Variants in HDGFL3 observed in about 807,000 individuals in gnomAD.
HDGFL3 encodes HDGF like 3, also known as hepatoma-derived growth factor-related protein 3.
A neutral mutation model predicts 27.6 loss-of-function variants in HDGFL3; 6 were observed. The observed-to-expected ratio is 0.22, with a 90% CI of 0.12 to 0.43. HDGFL3 has a LOEUF of 0.43. Among genes scored for constraint, HDGFL3 ranks in the 20% least tolerant of loss-of-function variants. The pLI is 1.00. For missense variants in HDGFL3, 207 were observed against 250.1 expected (o/e 0.83, Z 1.16); for synonymous variants, 88 against 88.9 (o/e 0.99, Z 0.05).
chr15:83,174,477 T>C lies in HDGFL3; in HGVS notation c.85-10402A>G, dbSNP rs544399482. Among the ~76,000 whole-genome samples the C allele has an allele frequency of 4.0e-5, 6 of 151,294 alleles. No individual in the cohort carries two copies. In the South Asian group the frequency reaches 1.2e-3, roughly 32 times the overall value. On this transcript the variant is annotated intron_variant, in intron 1 of 5. Coordinates refer to ENST00000299633, the MANE Select transcript of HDGFL3 (RefSeq NM_016073.4). ...AAAACTTCTGTAAAAACCTTGTATA[T>C]GTTACATTGAGCACCACCCTAAAAA... is the stretch of plus-strand genomic sequence containing the variant.
chr15:83,196,780 G>A (rs1313596616), intron 1 of HDGFL3, among the ~76,000 whole-genome samples: 4 of 152,196 alleles, frequency 2.6e-5, no homozygotes, highest in African/African-American at 9.6e-5. Flanking sequence ...GAGGATTAGA[G>A]AAGGTTAGAG....
chr15:83,199,191 T>C (rs1370422200), intron 1 of HDGFL3, among the ~76,000 whole-genome samples: 1 of 152,212 alleles, frequency 6.6e-6, no homozygotes, highest in Non-Finnish European at 1.5e-5. Flanking sequence ...CAAATAGTGG[T>C]CTAGAGGGAA....
At chr15:83,202,256 C>T (rs950344700) in intron 1 of HDGFL3, among the ~76,000 whole-genome samples, 1 of 152,074 alleles carries the variant, frequency 6.6e-6, no homozygotes, top group African/African-American at 2.4e-5. Context: ...ACAGTAGGTG[C>T]TCAACAAAAG....
intron 1 of HDGFL3, among the ~76,000 whole-genome samples, chr15:83,187,327 C>T (rs952174399): frequency 6.6e-6 from 1 of 151,780 alleles, no homozygotes; most frequent in Admixed American, 6.6e-5. Flanking sequence ...GTTACACGGG[C>T]AGAGTTTTTT....
intron 1 of HDGFL3, among the ~76,000 whole-genome samples, chr15:83,180,194 T>G (rs1361758500): frequency 2.0e-5 from 3 of 151,958 alleles, no homozygotes; most frequent in African/African-American, 7.3e-5. Flanking sequence ...ATGGAGGGAA[T>G]CCATAATCCC....
At chr15:83,143,153 C>T (rs939889886) in intron 5 of HDGFL3, among the ~76,000 whole-genome samples, 6 of 152,012 alleles carry the variant, frequency 3.9e-5, no homozygotes, top group African/African-American at 9.7e-5. Context: ...GCTGGGATTA[C>T]GGGCACATGC....
chr15:83,136,613 CGTT>C lies in HDGFL3; in HGVS notation c.*2654_*2656del, dbSNP rs779487822. On this transcript the variant is annotated 3_prime_UTR_variant, in exon 6 of 6. Transcript: ENST00000299633. ...AGTTCTTCCTCAGCTCTTGGCCTAT[CGTT>C]GTATCTACAAACCAGAGTTCTTCAT... The C allele has an allele frequency of 1.8e-5, 29 of 1,612,146 alleles. No homozygotes were observed. Among genetic ancestry groups the C allele is most frequent in the Non-Finnish European group, 2.3e-5 (27 of 1,179,472 alleles).
At chr15:83,177,367 A>G (rs1017914444) in intron 1 of HDGFL3, among the ~76,000 whole-genome samples, 4 of 152,216 alleles carry the variant, frequency 2.6e-5, no homozygotes, top group African/African-American at 4.8e-5. Context: ...TTATTTTTCA[A>G]ATAAGATTTG....
At chr15:83,115,728 G>A (rs1374168533) in exon 4 of HDGFL3, 1 of 768,848 alleles carries the variant, frequency 1.3e-6, no homozygotes, top group African/African-American at 1.7e-5. Context: ...CTCGATAATT[G>A]TCCACAGCAT....
chr15:83,144,467 C>A (rs529233642), intron 5 of HDGFL3: 2 of 456,088 alleles, frequency 4.4e-6, no homozygotes, highest in East Asian at 1.4e-4. Flanking sequence ...AAAAGACTGA[C>A]TTCTGTTTGC....
Position 83,207,712 on chromosome 15 carries a change from G to A in HDGFL3, c.-298C>T. 1 of 152,242 alleles carries A rather than the reference G, an allele frequency of 6.6e-6. No individual in the cohort carries two copies. Among genetic ancestry groups the A allele is most frequent in the Non-Finnish European group, 1.4e-5 (1 of 70,302 alleles). The allele number at this position is 152,242 out of a possible 1,614,324, so 9.4% of individuals were successfully genotyped here. A position where few individuals can be genotyped will look rare whatever the true frequency, so the allele number is the denominator to read the frequency against. ...CGCCGCCGCCGCCGCCGCCGCGCGC[G>A]CTGCTCACCAGCGCCGCGTCGCCTG... is the stretch of plus-strand genomic sequence containing the variant. On this transcript the variant is annotated 5_prime_UTR_variant, in exon 1 of 6. Transcript: ENST00000299633. This position sits in a 1 kb window ranked among gnomAD's most constrained non-coding sequence, Gnocchi z 4.8.
At chr15:83,187,365 C>T (rs1210916967) in intron 1 of HDGFL3, among the ~76,000 whole-genome samples, 1 of 148,738 alleles carries the variant, frequency 6.7e-6, no homozygotes, top group Non-Finnish European at 1.5e-5. Flanking sequence ...GAGAACTACT[C>T]TCTGTGTGTG....
intron 5 of HDGFL3, among the ~76,000 whole-genome samples, chr15:83,140,930 A>T (rs2036757054): frequency 6.6e-6 from 1 of 152,218 alleles, no homozygotes; most frequent in Non-Finnish European, 1.5e-5. Context: ...GCCTCAGAGT[A>T]GTATTAATAC....
At chr15:83,192,366 T>G (rs1272921321) in intron 1 of HDGFL3, 7 of 448,020 alleles carry the variant, frequency 1.6e-5, no homozygotes, top group Non-Finnish European at 2.7e-5. Context: ...CTGACAGGGT[T>G]GCTAAACAAA....
chr15:83,197,039 A>G (rs2037578308), intron 1 of HDGFL3, among the ~76,000 whole-genome samples: 1 of 152,182 alleles, frequency 6.6e-6, no homozygotes, highest in Non-Finnish European at 1.5e-5. Context: ...TAAGGGACAC[A>G]TTTGTTCTGG....
At chr15:83,152,684 A>G (rs894455523) in intron 4 of HDGFL3, among the ~76,000 whole-genome samples, 80 of 137,992 alleles carry the variant, frequency 5.8e-4, no homozygotes, top group East Asian at 2.5e-3. Context: ...CTCTGTCTCG[A>G]AAAAAAAAAA....
At chr15:83,154,157 A>G (rs1388905232) in intron 4 of HDGFL3, among the ~76,000 whole-genome samples, 1 of 150,948 alleles carries the variant, frequency 6.6e-6, no homozygotes, top group Non-Finnish European at 1.5e-5. Flanking sequence ...TCTACTGGAA[A>G]AAAAAAAAAA....
At chr15:83,195,204 A>C (rs2037554945) in intron 1 of HDGFL3, among the ~76,000 whole-genome samples, 1 of 152,218 alleles carries the variant, frequency 6.6e-6, no homozygotes, top group African/African-American at 2.4e-5. Context: ...AATTGCAAAG[A>C]TAGAAAAATC....
At chr15:83,120,046 C>A (rs2035071601) in intron 3 of HDGFL3, 1 of 230,400 alleles carries the variant, frequency 4.3e-6, no homozygotes, top group African/African-American at 2.2e-5. Context: ...TGTCCTTCCC[C>A]AGATCAGGCA....
Sources: gnomAD v4.1 joint callset for allele counts (sites outside exome capture counted in the v4.1 genomes callset) on GRCh38, gnomAD v4.1.1 for gene constraint, Gnocchi (gnomAD v3.1) non-coding constraint, MANE v1.5 for transcripts, NCBI Gene and HGNC (gene_info 2026-07-23, HGNC 2026-07-21) for gene names.